MAJIN: variants seen among roughly 807,000 people sequenced by gnomAD.
MAJIN encodes the protein membrane anchored junction protein, also known as membrane-anchored junction protein.
MAJIN carries 27 observed loss-of-function variants against 30.2 expected under a neutral mutation model. That is an observed-to-expected ratio of 0.89 (90% CI 0.66 to 1.23). The LOEUF is 1.23. Among genes scored for constraint, MAJIN ranks in the 50% most tolerant of loss-of-function variants. The pLI is 0.00. For synonymous variants in MAJIN, 78 were observed against 91.6 expected (o/e 0.85, Z 0.85); for missense variants, 253 against 260.3 (o/e 0.97, Z 0.19).
At chr11:64,970,984 G>T (rs1398000861) in intron 1 of MAJIN, among the ~76,000 whole-genome samples, 2 of 152,204 alleles carry the variant, frequency 1.3e-5, no homozygotes, top group Admixed American at 1.3e-4. Context: ...TAGTTCCTGG[G>T]GAAAGTCTGT....
intron 8 of MAJIN, among the ~76,000 whole-genome samples, chr11:64,946,510 G>A (rs1945455131): frequency 1.3e-5 from 2 of 152,178 alleles, no homozygotes; most frequent in Admixed American, 6.5e-5. Flanking sequence ...ATACCTCCAA[G>A]TACCCTCACA....
chr11:64,959,215 A>G, intron 3 of MAJIN, 90 bp downstream of exon 3: 1 of 975,408 alleles, frequency 1.0e-6, no homozygotes, highest in Non-Finnish European at 1.6e-6. Context: ...AGTCTCCTGA[A>G]CTGGGTGAAG....
chr11:64,959,858 T>C (rs1313820519), intron 2 of MAJIN, among the ~76,000 whole-genome samples: 1 of 152,202 alleles, frequency 6.6e-6, no homozygotes, highest in African/African-American at 2.4e-5. Context: ...ATCCAAAGGA[T>C]ACACCAATTA....
Position 64,938,557 on chromosome 11 carries a change from G to C in MAJIN, c.*18C>G, listed in dbSNP as rs531700220. 16 of 1,535,678 alleles carry C rather than the reference G, an allele frequency of 1.0e-5. No individual in the cohort carries two copies. Among genetic ancestry groups the C allele is most frequent in the East Asian group, 2.4e-5 (1 of 40,924 alleles). ...TGGCTGCTCTTCCTGAAGAAATATC[G>C]AAACGGGAAGAGAGAGCTGCAAGAA... is the stretch of plus-strand genomic sequence containing the variant. On this transcript the variant is annotated 3_prime_UTR_variant, in exon 11 of 11. Transcript: ENST00000301896.
intron 1 of MAJIN, among the ~76,000 whole-genome samples, chr11:64,960,449 A>C (rs947692953): frequency 3.9e-5 from 6 of 152,156 alleles, no homozygotes; most frequent in Non-Finnish European, 8.8e-5. Context: ...ACAAGCCTAT[A>C]AGTCTAAATT....
At chr11:64,954,915 G>T in intron 3 of MAJIN, 113 bp from the exon 4 acceptor site, 1 of 919,634 alleles carries the variant, frequency 1.1e-6, no homozygotes, top group Non-Finnish European at 1.6e-6. Context: ...CATGACATAA[G>T]TAAAACTGTG....
intron 4 of MAJIN, among the ~76,000 whole-genome samples, chr11:64,953,845 T>C (rs1169361633): frequency 1.3e-5 from 2 of 152,308 alleles, no homozygotes; most frequent in South Asian, 2.1e-4. Flanking sequence ...CTTGGTCCTA[T>C]GTTAAAATAA....
chr11:64,959,320 T>C lies in MAJIN; in HGVS notation c.86A>G (p.Tyr29Cys). 6.2e-7 allele frequency: 1 copy of C among 1,612,792 alleles called. No homozygotes were observed. The highest frequency in any genetic ancestry group is 8.5e-7 in the Non-Finnish European group (1 of 1,178,796). Reference protein sequence around the residue: ...GPNVYKFKIRYGKSIRGEEIE... With the variant: ...GPNVYKFKIRCGKSIRGEEIE... The stretch of plus-strand genomic sequence containing the variant: ...TTGAAATTACCTGATACTCTTCCCA[T>C]ATCTGATTTTGAATTTATACACATT... The change falls in exon 3 of 11, where the codon TAT becomes TGT. Residue 29 changes from tyrosine (Y) to cysteine (C), a missense_variant. Transcript: ENST00000301896.
At chr11:64,967,935 G>T (rs1945837815) in intron 1 of MAJIN, among the ~76,000 whole-genome samples, 1 of 152,128 alleles carries the variant, frequency 6.6e-6, no homozygotes, top group Non-Finnish European at 1.5e-5. Flanking sequence ...TGACTAGAAG[G>T]CTGCTTTAGC....
rs58387921 is a variant in MAJIN at position 64,966,145 on chromosome 11, G to GAAAAAAAAAAAAAAAAAAAAAA, written c.-65+5731_-65+5732insTTTTTTTTTTTTTTTTTTTTTT. 3.9e-4 allele frequency among the ~76,000 whole-genome samples: 22 copies of GAAAAAAAAAAAAAAAAAAAAAA among 57,094 alleles called. 3 individuals are homozygous for GAAAAAAAAAAAAAAAAAAAAAA. The highest frequency in any genetic ancestry group is 4.2e-4 in the Non-Finnish European group (14 of 33,438). 37.5% of individuals were successfully genotyped at this position (57,094 alleles called of 152,430 possible). On this transcript the variant is annotated intron_variant, in intron 1 of 10. Coordinates refer to ENST00000301896, the MANE Select transcript of MAJIN (RefSeq NM_001037225.3). ...ACATGTAAGGAAGAAGATTAAAAAT[G>GAAAAAAAAAAAAAAAAAAAAAA]AAAAAAAAAAAAAAAAAAAAGCAGC... is the stretch of plus-strand genomic sequence containing the variant.
At chr11:64,938,869 A>G (rs1011565577) in intron 10 of MAJIN, among the ~76,000 whole-genome samples, 1 of 152,214 alleles carries the variant, frequency 6.6e-6, no homozygotes. Flanking sequence ...AATGTTTGGT[A>G]ACCAAATCAT....
At chr11:64,956,829 C>T (rs534702415) in intron 3 of MAJIN, among the ~76,000 whole-genome samples, 1 of 142,568 alleles carries the variant, frequency 7.0e-6, no homozygotes, top group South Asian at 2.2e-4. Flanking sequence ...TGCAATAGCG[C>T]AATCTCCGCT....
intron 8 of MAJIN, among the ~76,000 whole-genome samples, chr11:64,942,320 G>A (rs1332023215): frequency 6.6e-6 from 1 of 151,838 alleles, no homozygotes; most frequent in African/African-American, 2.4e-5. Context: ...AGTGAGTGGT[G>A]TCTGGTTACA....
Position 64,947,411 on chromosome 11 carries a change from C to T in MAJIN, c.436G>A (p.Asp146Asn). The change falls in exon 8 of 11, where the codon GAC becomes AAC. Residue 146 changes from aspartate to asparagine, a missense_variant. Coordinates refer to ENST00000301896, the MANE Select transcript of MAJIN (RefSeq NM_001037225.3). Reference sequence around the variant, plus strand: ...GGCCTGCTGGGGGAGCTGGGCTCGTCCATGTGTTTTCGTTTCCTCATCACA... The same window carrying T: ...GGCCTGCTGGGGGAGCTGGGCTCGTTCATGTGTTTTCGTTTCCTCATCACA... ...GAVMRKRKHMDEPSSPSRPGL... is the reference protein window; with the variant it reads ...GAVMRKRKHMNEPSSPSRPGL... 6.2e-7 allele frequency: 1 copy of T among 1,613,786 alleles called. No individual in the cohort carries two copies. The highest frequency in any genetic ancestry group is 8.5e-7 in the Non-Finnish European group (1 of 1,180,020).
chr11:64,971,162 G>A (rs1291227191), intron 1 of MAJIN, among the ~76,000 whole-genome samples: 1 of 151,884 alleles, frequency 6.6e-6, no homozygotes, highest in East Asian at 1.9e-4. Context: ...GTATGGTGGC[G>A]GGCACCTGCA....
intron 6 of MAJIN, among the ~76,000 whole-genome samples, chr11:64,948,627 A>ATT (rs1945493824): frequency 2.4e-5 from 1 of 41,806 alleles, no homozygotes. Flanking sequence ...ATATATATAT[A>ATT]TATATATATA....
intron 8 of MAJIN, among the ~76,000 whole-genome samples, 189 bp from the exon 9 acceptor site, chr11:64,940,835 CTTT>C (rs1168979344): frequency 1.1e-5 from 1 of 88,564 alleles, no homozygotes; most frequent in Non-Finnish European, 2.0e-5. Flanking sequence ...TTTTTTCTTT[CTTT>C]TTTTTTTTTT....
chr11:64,956,877 C>T (rs1195915413), intron 3 of MAJIN, among the ~76,000 whole-genome samples: 1 of 150,938 alleles, frequency 6.6e-6, no homozygotes, highest in Non-Finnish European at 1.5e-5. Flanking sequence ...AGCGATTCTC[C>T]TGCCTCAGCC....
intron 9 of MAJIN, among the ~76,000 whole-genome samples, chr11:64,940,356 C>T (rs748856587): frequency 6.6e-6 from 1 of 152,114 alleles, no homozygotes; most frequent in African/African-American, 2.4e-5. Context: ...GAAGGGCATG[C>T]CCTACCTCCC....
Sources: gnomAD v4.1 joint callset for allele counts (sites outside exome capture counted in the v4.1 genomes callset) on GRCh38, gnomAD v4.1.1 for gene constraint, MANE v1.5 for transcripts, NCBI Gene and HGNC (gene_info 2026-07-23, HGNC 2026-07-21) for gene names.